Variants in EIF3L observed in about 807,000 individuals in gnomAD.
EIF3L encodes the protein eukaryotic translation initiation factor 3 subunit L.
A neutral mutation model predicts 74.6 loss-of-function variants in EIF3L; 32 were observed. The observed-to-expected ratio is 0.43, with a 90% CI of 0.32 to 0.58. The LOEUF (loss-of-function observed/expected upper bound fraction) is 0.58, where lower values mean the gene tolerates loss of function less well. Among genes scored for constraint, EIF3L ranks in the 20% least tolerant of loss-of-function variants. The pLI is 0.06. For synonymous variants in EIF3L, 256 were observed against 254.4 expected (o/e 1.01, Z -0.06); for missense variants, 474 against 707.8 (o/e 0.67, Z 3.75).
Position 37,889,031 on chromosome 22 carries a change from A to G in EIF3L, c.*567A>G. On this transcript the variant is annotated 3_prime_UTR_variant, in exon 13 of 13. Coordinates refer to ENST00000652021, the MANE Select transcript of EIF3L (RefSeq NM_016091.4). ...GCTAGGATTACAGGCATGAGCCACC[A>G]CGCCCCGCCTAAATTCAAAATCTTT... 1 of 151,196 alleles carries G rather than the reference A, an allele frequency of 6.6e-6. No homozygotes were observed. The highest frequency in any genetic ancestry group is 2.1e-4 in the South Asian group (1 of 4,754). 9.4% of individuals were successfully genotyped at this position (151,196 alleles called of 1,614,324 possible). A position where few individuals can be genotyped will look rare whatever the true frequency, so the allele number is the denominator to read the frequency against.
At chr22:37,856,747 G>A (rs1356496986) in intron 4 of EIF3L, among the ~76,000 whole-genome samples, 2 of 151,916 alleles carry the variant, frequency 1.3e-5, no homozygotes, top group African/African-American at 4.8e-5. Context: ...GGGAGGTGGA[G>A]GCAGGAGAAT....
At chr22:37,864,895 A>G (rs1319172436) in intron 7 of EIF3L, among the ~76,000 whole-genome samples, 1 of 152,176 alleles carries the variant, frequency 6.6e-6, no homozygotes, top group African/African-American at 2.4e-5. Flanking sequence ...ACTTAACCAC[A>G]CTGTGCATTG....
chr22:37,858,791 T>C (rs1289502341), intron 5 of EIF3L, 51 bp downstream of exon 5: 3 of 1,509,232 alleles, frequency 2.0e-6, no homozygotes, highest in Admixed American at 1.8e-5. Context: ...TTTTTAACTC[T>C]GTGCTGTTTT....
At chr22:37,861,893 T>C (rs552793391) in intron 5 of EIF3L, among the ~76,000 whole-genome samples, 2 of 152,346 alleles carry the variant, frequency 1.3e-5, no homozygotes, top group South Asian at 2.1e-4. Flanking sequence ...GATGCTGTTA[T>C]CTTTTTATTA....
intron 7 of EIF3L, among the ~76,000 whole-genome samples, chr22:37,864,858 G>A (rs770727023): frequency 1.6e-4 from 24 of 152,062 alleles, no homozygotes; most frequent in Non-Finnish European, 3.4e-4. Flanking sequence ...ATTTTAAAAT[G>A]GTAACATGTT....
intron 8 of EIF3L, among the ~76,000 whole-genome samples, chr22:37,871,859 A>T (rs1926490631): frequency 1.4e-5 from 2 of 138,830 alleles, no homozygotes; most frequent in African/African-American, 5.5e-5. Context: ...ACAGAGCGAG[A>T]CTCTGTCTCG....
chr22:37,863,104 T>C (rs1426057626), intron 6 of EIF3L, 66 bp downstream of exon 6: 1 of 131,126 alleles, frequency 7.6e-6, no homozygotes, highest in South Asian at 2.2e-4. Context: ...GGCCTCCAGC[T>C]TTTTTTTTTT....
chr22:37,871,686 G>C (rs1926477929), intron 8 of EIF3L, among the ~76,000 whole-genome samples: 1 of 151,904 alleles, frequency 6.6e-6, no homozygotes. Flanking sequence ...TGGCCAACAT[G>C]GTGAAACCTC....
chr22:37,877,620 A>G (rs1402756727), intron 10 of EIF3L, 54 bp from the exon 11 acceptor site: 3 of 1,534,484 alleles, frequency 2.0e-6, no homozygotes, highest in African/African-American at 1.4e-5. Flanking sequence ...GGCAGTGGGG[A>G]CCTCAGGAAG....
intron 11 of EIF3L, chr22:37,882,508 T>C (rs1927100151): frequency 6.6e-6 from 1 of 151,706 alleles, no homozygotes; most frequent in Non-Finnish European, 1.5e-5. Flanking sequence ...ACCCCGTCTC[T>C]ACTAAAAATA....
At chr22:37,886,686 A>C in intron 11 of EIF3L, 79 bp from the exon 12 acceptor site, 7 of 1,243,104 alleles carry the variant, frequency 5.6e-6, no homozygotes, top group African/African-American at 1.5e-5. Context: ...TATCACTTGC[A>C]AGTCCATGGT....
Position 37,876,028 on chromosome 22 carries a change from C to T in EIF3L, c.1077+17C>T. Reference sequence around the variant, plus strand: ...TATGAGATGGTAAGGGGGACTCTGCCTGCCACCAGTGGCCTTTCTAATCAG... The same window carrying T: ...TATGAGATGGTAAGGGGGACTCTGCTTGCCACCAGTGGCCTTTCTAATCAG... On this transcript the variant is annotated intron_variant, in intron 10 of 12. Coordinates refer to ENST00000652021, the MANE Select transcript of EIF3L (RefSeq NM_016091.4). 1.2e-6 allele frequency: 2 copies of T among 1,606,200 alleles called. No homozygotes were observed. Among genetic ancestry groups the T allele is most frequent in the South Asian group, 1.1e-5 (1 of 90,698 alleles).
chr22:37,875,204 GTTGAAAATACAAAAA>G (rs765564296), intron 9 of EIF3L, among the ~76,000 whole-genome samples: 37 of 148,788 alleles, frequency 2.5e-4, no homozygotes, highest in Non-Finnish European at 3.9e-4. Context: ...CCCTGTCTCT[GTTGAAAATACAAAAA>G]AAAAAAAAAC....
intron 2 of EIF3L, 118 bp from the exon 3 acceptor site, chr22:37,851,162 G>A (rs1218975702): frequency 7.0e-6 from 5 of 712,484 alleles, no homozygotes; most frequent in East Asian, 2.6e-5. Context: ...GTATCTCTGA[G>A]TATTCAAAAG....
chr22:37,878,391 GC>G (rs1926865066), intron 11 of EIF3L: 1 of 409,916 alleles, frequency 2.4e-6, no homozygotes, highest in Non-Finnish European at 4.3e-6. Flanking sequence ...ACCAGCCTGG[GC>G]AACGTAGTGA....
intron 5 of EIF3L, among the ~76,000 whole-genome samples, chr22:37,859,992 A>G (rs1445227785): frequency 2.0e-5 from 3 of 152,082 alleles, no homozygotes; most frequent in Non-Finnish European, 4.4e-5. Flanking sequence ...AGCCTGGGTG[A>G]CAGAGTGAGA....
At chr22:37,849,628 C>G in intron 1 of EIF3L, 146 bp downstream of exon 1, 3 of 914,990 alleles carry the variant, frequency 3.3e-6, no homozygotes, top group Non-Finnish European at 5.0e-6. Context: ...CCCACAGTTC[C>G]CGGTCCCTAG....
At chr22:37,864,795 T>C (rs1432099172) in intron 7 of EIF3L, among the ~76,000 whole-genome samples, 2 of 152,112 alleles carry the variant, frequency 1.3e-5, no homozygotes, top group South Asian at 2.1e-4. Context: ...CTCCTTGGCC[T>C]CCCAAAGTGC....
At chr22:37,878,335 T>A (rs746211606) in intron 11 of EIF3L, 164 bp downstream of exon 11, 83 of 845,080 alleles carry the variant, frequency 9.8e-5, no homozygotes, top group Middle Eastern at 3.6e-4. Flanking sequence ...ACTAGTACTT[T>A]AGGGGAGGCT....
Sources: allele counts gnomAD v4.1 joint callset (sites outside exome capture counted in the v4.1 genomes callset), GRCh38; gene constraint gnomAD v4.1.1; transcripts MANE v1.5; gene names NCBI Gene and HGNC (gene_info 2026-07-23, HGNC 2026-07-21).